NALF1: variants seen among roughly 807,000 people sequenced by gnomAD.
The protein encoded by NALF1 is family with sequence similarity 155 member A.
NALF1 carries 3 observed loss-of-function variants against 48.4 expected under a neutral mutation model. The ratio of observed to expected loss-of-function variants is 0.06; its 90% CI spans 0.03 to 0.16. The LOEUF is 0.16. Ranked by LOEUF, NALF1 falls within the 10% of genes least tolerant of loss-of-function variation. The pLI is 1.00. For synonymous variants in NALF1, 262 were observed against 245.7 expected (o/e 1.07, Z -0.62); for missense variants, 526 against 571.5 (o/e 0.92, Z 0.81).
At chr13:107,497,751 C>T (rs1001777663) in intron 1 of NALF1, among the ~76,000 whole-genome samples, 1 of 152,140 alleles carries the variant, frequency 6.6e-6, no homozygotes, top group Admixed American at 6.5e-5. Flanking sequence ...TACAGAAAGT[C>T]CAAGGTCAGA....
chr13:107,606,550 G>C lies in NALF1; in HGVS notation c.915+259132C>G, dbSNP rs28385388. 0.022 allele frequency among the ~76,000 whole-genome samples: 3,347 copies of C among 151,980 alleles called. 214 individuals are homozygous for C. The East Asian group carries it at 0.26, about 12-fold the overall frequency. ...CCAGCTAATTTTTGTATTTTTAGTA[G>C]AGTCAGGGTTTCACCATGTTGGCCA... On this transcript the variant is annotated intron_variant, in intron 1 of 2. Transcript: ENST00000375915.
chr13:107,611,092 C>T (rs1879212496), intron 1 of NALF1, among the ~76,000 whole-genome samples: 1 of 152,192 alleles, frequency 6.6e-6, no homozygotes, highest in African/African-American at 2.4e-5. Context: ...CAGGTGTAAC[C>T]ATTTTTGTGT....
intron 1 of NALF1, among the ~76,000 whole-genome samples, chr13:107,348,425 A>G (rs1882812547): frequency 6.6e-6 from 1 of 152,152 alleles, no homozygotes; most frequent in Non-Finnish European, 1.5e-5. Flanking sequence ...TGAAAATCTT[A>G]ATTTTTTTTT....
At chr13:107,567,731 T>C (rs1315214565) in intron 1 of NALF1, among the ~76,000 whole-genome samples, 2 of 152,152 alleles carry the variant, frequency 1.3e-5, no homozygotes, top group Non-Finnish European at 2.9e-5. Context: ...CAAAATACTC[T>C]ATCTAGCATT....
chr13:107,671,078 T>G (rs1363102668), intron 1 of NALF1, among the ~76,000 whole-genome samples: 1 of 152,140 alleles, frequency 6.6e-6, no homozygotes, highest in Non-Finnish European at 1.5e-5. Context: ...AACTCAAATT[T>G]TAATGGAGTA....
intron 1 of NALF1, among the ~76,000 whole-genome samples, chr13:107,782,704 C>A (rs1201094708): frequency 2.6e-5 from 4 of 151,096 alleles, no homozygotes; most frequent in African/African-American, 9.8e-5. Context: ...TTTGCCCCGC[C>A]GCCCCGTCTG....
intron 1 of NALF1, among the ~76,000 whole-genome samples, chr13:107,233,383 T>G (rs1385579833): frequency 6.6e-6 from 1 of 152,152 alleles, no homozygotes; most frequent in East Asian, 1.9e-4. Flanking sequence ...GAGAAAAGAT[T>G]ACAAGTTAAA....
intron 1 of NALF1, among the ~76,000 whole-genome samples, chr13:107,216,498 C>T (rs774414892): frequency 1.8e-4 from 27 of 152,198 alleles, no homozygotes; most frequent in Non-Finnish European, 2.5e-4. Context: ...GCGCTCTGAG[C>T]TTCTTGATCC....
At chr13:107,721,232 T>C (rs1372339520) in intron 1 of NALF1, among the ~76,000 whole-genome samples, 3 of 152,042 alleles carry the variant, frequency 2.0e-5, no homozygotes, top group Non-Finnish European at 4.4e-5. Context: ...TGCACCAAAT[T>C]GTATGAAATG....
intron 2 of NALF1, among the ~76,000 whole-genome samples, chr13:107,187,231 T>A (rs1879193865): frequency 6.6e-6 from 1 of 152,186 alleles, no homozygotes; most frequent in Non-Finnish European, 1.5e-5. Flanking sequence ...ATGTCCCTTC[T>A]GCCACGTAAT....
intron 1 of NALF1, among the ~76,000 whole-genome samples, chr13:107,260,428 T>C (rs1182649472): frequency 6.6e-6 from 1 of 152,208 alleles, no homozygotes; most frequent in Admixed American, 6.5e-5. Flanking sequence ...GTAAGATTAT[T>C]TGATATGGGC....
intron 1 of NALF1, among the ~76,000 whole-genome samples, chr13:107,711,862 T>C (rs1326889864): frequency 6.6e-6 from 1 of 152,194 alleles, no homozygotes; most frequent in Non-Finnish European, 1.5e-5. Context: ...TTTTTTATGT[T>C]CAATTAATAG....
At chr13:107,495,695 T>C (rs1277936389) in intron 1 of NALF1, among the ~76,000 whole-genome samples, 2 of 152,116 alleles carry the variant, frequency 1.3e-5, no homozygotes, top group African/African-American at 4.8e-5. Flanking sequence ...AAATCACACA[T>C]AGGAAGAAGA....
chr13:107,371,933 C>G (rs192211518), intron 1 of NALF1, among the ~76,000 whole-genome samples: 79 of 152,252 alleles, frequency 5.2e-4, no homozygotes, highest in African/African-American at 1.8e-3. Context: ...TTCCCCATCC[C>G]AGAATCGTAT....
chr13:107,807,992 T>A lies in NALF1; in HGVS notation c.915+57690A>T, dbSNP rs147495114. Among the ~76,000 whole-genome samples the A allele has an allele frequency of 4.6e-4, 70 of 152,192 alleles. No individual in the cohort carries two copies. In the East Asian group the frequency reaches 0.012, roughly 27 times the overall value. On this transcript the variant is annotated intron_variant, in intron 1 of 2. Coordinates refer to ENST00000375915, the MANE Select transcript of NALF1 (RefSeq NM_001080396.3). ...TTGGAAATAGGCATTGCAATGGGAA[T>A]ATATGTGAGTGTGTTCCAGGAGGTA...
chr13:107,455,307 A>G (rs895531347), intron 1 of NALF1, among the ~76,000 whole-genome samples: 2 of 152,172 alleles, frequency 1.3e-5, no homozygotes, highest in African/African-American at 4.8e-5. Flanking sequence ...CAACACAATA[A>G]TCATAACTAA....
rs150736303 is a variant in NALF1, at chr13:107,435,193, A to T, written c.916-224438T>A. ...AAGTGTCAAAAAGAGTCCTATCTGT[A>T]TAGGAACAAAATAGGCATGTTCCTA... On this transcript the variant is annotated intron_variant, in intron 1 of 2. Coordinates refer to ENST00000375915, the MANE Select transcript of NALF1 (RefSeq NM_001080396.3). 1.5e-4 allele frequency among the ~76,000 whole-genome samples: 23 copies of T among 152,272 alleles called. No individual in the cohort carries two copies. In the East Asian group the frequency reaches 2.5e-3, roughly 17 times the overall value.
intron 1 of NALF1, 38 bp from the exon 2 acceptor site, chr13:107,210,793 A>C (rs1566452222): frequency 6.8e-7 from 1 of 1,460,514 alleles, no homozygotes; most frequent in Non-Finnish European, 9.6e-7. Context: ...TAGAGGCGTG[A>C]CAACAGTTAC....
At chr13:107,710,679 T>G (rs1875546242) in intron 1 of NALF1, among the ~76,000 whole-genome samples, 1 of 149,792 alleles carries the variant, frequency 6.7e-6, no homozygotes, top group Admixed American at 6.6e-5. Flanking sequence ...ACCTGCAGAA[T>G]CCAATCGCCT....
Sources: allele counts gnomAD v4.1 joint callset (sites outside exome capture counted in the v4.1 genomes callset), GRCh38; gene constraint gnomAD v4.1.1; transcripts MANE v1.5; gene names NCBI Gene and HGNC (gene_info 2026-07-23, HGNC 2026-07-21).